Variants in RAB11FIP3 observed in about 807,000 individuals in gnomAD.
RAB11FIP3 encodes the protein RAB11 family interacting protein 3.
In RAB11FIP3, 17 loss-of-function variants were observed where a neutral mutation model predicts 77.8. That is an observed-to-expected ratio of 0.22 (90% confidence interval 0.15 to 0.33). The LOEUF is 0.33. RAB11FIP3 is among the 10% of genes least tolerant of loss of function. RAB11FIP3 has a pLI of 1.00. For missense variants in RAB11FIP3, 1,005 were observed against 1,011.2 expected (o/e 0.99, Z 0.08); for synonymous variants, 437 against 448.2 (o/e 0.98, Z 0.31).
intron 8 of RAB11FIP3, among the ~76,000 whole-genome samples, chr16:510,096 C>T (rs546866859): frequency 1.3e-4 from 19 of 146,376 alleles, no homozygotes; most frequent in African/African-American, 4.1e-4. Flanking sequence ...ACCTCCACGC[C>T]CCGTCCCGAG....
chr16:470,584 C>T lies in RAB11FIP3; in HGVS notation c.809-711C>T, dbSNP rs576263751. 1.2e-4 allele frequency among the ~76,000 whole-genome samples: 18 copies of T among 152,342 alleles called. No individual in the cohort carries two copies. In the South Asian group the frequency reaches 3.7e-3, roughly 32 times the overall value. On this transcript the variant is annotated intron_variant, in intron 2 of 13. Transcript: ENST00000262305. Reference sequence around the variant, plus strand: ...GAAGACACCTAAGTGTCTTCTGTCACTCACAGGCCCTGGAAGGTGCTTTGA... The same window carrying T: ...GAAGACACCTAAGTGTCTTCTGTCATTCACAGGCCCTGGAAGGTGCTTTGA...
chr16:519,874 A>G lies in RAB11FIP3; in HGVS notation c.1843A>G (p.Lys615Glu). 6 of 1,592,080 alleles carry G rather than the reference A, an allele frequency of 3.8e-6. No homozygotes were observed. The highest frequency in any genetic ancestry group is 5.1e-6 in the Non-Finnish European group (6 of 1,169,466). Residue 615 changes from lysine to glutamate, a missense_variant, in exon 11 of 14, where the codon AAG becomes GAG. Around this residue, in one of 4 missense-constraint regions of RAB11FIP3, gnomAD observed 433 missense variants for 436.1 expected, o/e 0.99. Transcript: ENST00000262305. ...CGAGAGGCACCAGTTCCAGAGGGAC[A>G]AGGAGGCCACCCAGGAGGTGAGCAC... The part of the protein sequence containing the change: ...SHERHQFQRD[K>E]EATQELIEDL...
rs2031898094 is a variant in RAB11FIP3, at chr16:506,816, C to T, written c.1499+1189C>T. 6.6e-6 allele frequency among the ~76,000 whole-genome samples: 1 copy of T among 152,236 alleles called. No homozygotes were observed. Among genetic ancestry groups the T allele is most frequent in the Non-Finnish European group, 1.5e-5 (1 of 68,038 alleles). ...TCCAGGATTCTCAGCAGAAGAGGGC[C>T]TGCTACCAGCCCCTGCTGCAGAGTG... On this transcript the variant is annotated intron_variant, in intron 8 of 13. Coordinates refer to ENST00000262305, the MANE Select transcript of RAB11FIP3 (RefSeq NM_014700.4). The surrounding 1 kb of genome is among the most constrained non-coding windows in gnomAD (Gnocchi z 4.5).
intron 1 of RAB11FIP3, among the ~76,000 whole-genome samples, chr16:447,618 G>C (rs2055338640): frequency 6.6e-6 from 1 of 152,110 alleles, no homozygotes; most frequent in East Asian, 1.9e-4. Flanking sequence ...GGCACCTATA[G>C]TCCCAGCTAC....
At chr16:495,057 G>T (rs1198232758) in intron 5 of RAB11FIP3, among the ~76,000 whole-genome samples, 1 of 152,176 alleles carries the variant, frequency 6.6e-6, no homozygotes, top group African/African-American at 2.4e-5. Context: ...GCAGCGAGCT[G>T]TGGTTGCACC....
chr16:487,187 G>A (rs1038473405), intron 4 of RAB11FIP3, among the ~76,000 whole-genome samples: 4 of 149,218 alleles, frequency 2.7e-5, no homozygotes, highest in Non-Finnish European at 5.9e-5. Flanking sequence ...CTGGAGTGCA[G>A]TGGCGCGATC....
At chr16:467,125 A>G (rs1179301307) in intron 2 of RAB11FIP3, among the ~76,000 whole-genome samples, 1 of 152,156 alleles carries the variant, frequency 6.6e-6, no homozygotes, top group Non-Finnish European at 1.5e-5. Flanking sequence ...GAGACAGACC[A>G]CAAAGTAAGG....
intron 6 of RAB11FIP3, among the ~76,000 whole-genome samples, chr16:497,700 C>T (rs1365995365): frequency 6.6e-6 from 1 of 152,160 alleles, no homozygotes; most frequent in African/African-American, 2.4e-5. Flanking sequence ...TCTTCCTTCT[C>T]ATTTGTTTTC....
At position 505,280 on chromosome 16, in the gene RAB11FIP3, C is replaced by T. The variant is rs2031812099; in HGVS notation, c.1396-244C>T. ...TCCAAAGGCACCCCTGGGCCCCGAG[C>T]CCTCAGAGCTGCGGCACTGTGTGCA... On this transcript the variant is annotated intron_variant, in intron 7 of 13. Coordinates refer to ENST00000262305, the MANE Select transcript of RAB11FIP3 (RefSeq NM_014700.4). This position sits in a 1 kb window ranked among gnomAD's most constrained non-coding sequence, Gnocchi z 4.0. Among the ~76,000 whole-genome samples, 2 of 152,102 alleles carry T rather than the reference C, an allele frequency of 1.3e-5. No homozygotes were observed. The highest frequency in any genetic ancestry group is 4.1e-4 in the South Asian group (2 of 4,824).
chr16:516,949 G>T (rs942067472), intron 9 of RAB11FIP3, among the ~76,000 whole-genome samples: 1 of 152,230 alleles, frequency 6.6e-6, no homozygotes, highest in Admixed American at 6.5e-5. Context: ...AGGAGGCGGG[G>T]GCTGGACCCA....
chr16:445,127 A>AAG (rs2055292203), intron 1 of RAB11FIP3, among the ~76,000 whole-genome samples: 2 of 145,210 alleles, frequency 1.4e-5, no homozygotes, highest in African/African-American at 5.1e-5. Flanking sequence ...AAAAAAAAAA[A>AAG]AAAAGAAAAA....
rs968451789 is a variant in RAB11FIP3, at chr16:492,208, A to G, written c.1265+3208A>G. ...ATTTCCAGGGCACTTAACTCTTCTT[A>G]TGTTCTGTGAAATGCTGTGAAGCAC... On this transcript the variant is annotated intron_variant, in intron 5 of 13. Transcript: ENST00000262305. Among the ~76,000 whole-genome samples the G allele has an allele frequency of 3.3e-5, 5 of 152,066 alleles. No individual in the cohort carries two copies. In the East Asian group the frequency reaches 7.7e-4, roughly 24 times the overall value.
intron 1 of RAB11FIP3, among the ~76,000 whole-genome samples, chr16:440,361 GCTCAAGTGAT>G (rs1245247832): frequency 2.0e-5 from 3 of 151,752 alleles, no homozygotes; most frequent in Non-Finnish European, 4.4e-5. Context: ...CAACTCCTGA[GCTCAAGTGAT>G]CCGCCCACCT....
intron 9 of RAB11FIP3, among the ~76,000 whole-genome samples, chr16:517,963 T>C (rs959428979): frequency 2.0e-5 from 3 of 152,142 alleles, no homozygotes; most frequent in Non-Finnish European, 4.4e-5. Context: ...TCGCCTGTAG[T>C]CCCAGCTACT....
In RAB11FIP3 at chr16:520,804, A is replaced by T; in HGVS notation, c.2236A>T (p.Met746Leu). ...CATCGACAGGATCATCGTGGCCATC[A>T]TGGAGACCAACCCGTCCATCCTGGA... Reference protein sequence around the residue: ...DYIDRIIVAIMETNPSILEVK With the variant: ...DYIDRIIVAILETNPSILEVK The change falls in exon 14 of 14, where the codon ATG becomes TTG. Residue 746 changes from methionine (M) to leucine (L), a missense_variant. Met to Leu is a conservative substitution (Grantham distance 15). Coordinates refer to ENST00000262305, the MANE Select transcript of RAB11FIP3 (RefSeq NM_014700.4). 1.2e-6 allele frequency: 2 copies of T among 1,613,746 alleles called. No homozygotes were observed. The highest frequency in any genetic ancestry group is 1.7e-6 in the Non-Finnish European group (2 of 1,179,992).
intron 1 of RAB11FIP3, among the ~76,000 whole-genome samples, chr16:448,490 A>C (rs1000598654): frequency 1.3e-5 from 2 of 151,292 alleles, no homozygotes; most frequent in Non-Finnish European, 2.9e-5. Context: ...TAATCCCAGC[A>C]CTTTGGGAGG....
intron 6 of RAB11FIP3, chr16:497,275 A>G (rs924843124): frequency 7.7e-6 from 10 of 1,304,660 alleles, no homozygotes; most frequent in East Asian, 5.5e-5. Flanking sequence ...CCTAAAGACC[A>G]TTTCTTCATT....
At chr16:518,883 C>T (rs2032538559) in intron 9 of RAB11FIP3, 60 bp from the exon 10 acceptor site, 1 of 1,555,198 alleles carries the variant, frequency 6.4e-7, no homozygotes, top group East Asian at 2.2e-5. Context: ...ACACAGGGCA[C>T]ACTGGCCCTG....
intron 9 of RAB11FIP3, among the ~76,000 whole-genome samples, chr16:515,686 G>A (rs2032376758): frequency 6.6e-6 from 1 of 151,204 alleles, no homozygotes; most frequent in South Asian, 2.1e-4. Context: ...CAGCCACACG[G>A]GCGACACGCA....
Sources: allele counts gnomAD v4.1 joint callset (sites outside exome capture counted in the v4.1 genomes callset), GRCh38; gene constraint gnomAD v4.1.1; regional missense constraint gnomAD v4.1.1; non-coding constraint Gnocchi (gnomAD v3.1); transcripts MANE v1.5; gene names NCBI Gene and HGNC (gene_info 2026-07-23, HGNC 2026-07-21).